The following NDRG2 variants were observed in gnomAD, a reference collection of about 807,000 sequenced individuals.
NDRG2 encodes the protein protein NDRG2.
NDRG2 carries 34 observed loss-of-function variants against 58.2 expected under a neutral mutation model. The ratio of observed to expected loss-of-function variants is 0.58; its 90% confidence interval spans 0.44 to 0.78. The LOEUF (loss-of-function observed/expected upper bound fraction) is 0.78. Ranked by LOEUF, NDRG2 falls within the 30% of genes least tolerant of loss-of-function variation. The pLI, the probability that NDRG2 is intolerant of heterozygous loss-of-function variation, is 0.00. For missense variants in NDRG2, 434 were observed against 471.2 expected (o/e 0.92, Z 0.73); for synonymous variants, 187 against 175.9 (o/e 1.06, Z -0.50).
At chr14:21,025,452 C>G (rs771923062), upstream of NDRG2, 2 of 985,522 alleles carry the variant, frequency 2.0e-6, no homozygotes, top group Non-Finnish European at 2.4e-6. The surrounding 1 kb of genome is among the most constrained non-coding windows in gnomAD (Gnocchi z 5.1). Flanking sequence ...TGGTGGGAAC[C>G]GGTAGTGGGG....
At chr14:21,018,284 T>C (rs1316602811) in intron 13 of NDRG2, 45 bp from the exon 14 acceptor site, 1 of 1,612,600 alleles carries the variant, frequency 6.2e-7, no homozygotes, top group Non-Finnish European at 8.5e-7. Context: ...CACACATAAA[T>C]GAGCCATGCA....
At chr14:21,050,498 G>A (rs1241113440) in intron 1 of NDRG2, among the ~76,000 whole-genome samples, 1 of 152,296 alleles carries the variant, frequency 6.6e-6, no homozygotes, top group East Asian at 1.9e-4. Flanking sequence ...GGCATATCCA[G>A]AACAGGATCT....
At chr14:21,056,692 T>C (rs1033274376) in intron 1 of NDRG2, among the ~76,000 whole-genome samples, 3 of 152,240 alleles carry the variant, frequency 2.0e-5, no homozygotes, top group Admixed American at 2.0e-4. Context: ...GGAAACTCTT[T>C]CCTCTTTCCT....
intron 1 of NDRG2, among the ~76,000 whole-genome samples, chr14:21,049,048 T>C (rs1885341334): frequency 6.6e-6 from 1 of 152,204 alleles, no homozygotes; most frequent in Non-Finnish European, 1.5e-5. Context: ...CCTCTGTGAA[T>C]TTATGAATCC....
chr14:21,049,856 CT>C (rs567160406), intron 1 of NDRG2, among the ~76,000 whole-genome samples: 19 of 151,302 alleles, frequency 1.3e-4, no homozygotes, highest in African/African-American at 4.4e-4. Flanking sequence ...CCTTGTTGAG[CT>C]TTTTGGCCTC....
chr14:21,040,529 T>C (rs1470758718), intron 1 of NDRG2, among the ~76,000 whole-genome samples: 2 of 152,216 alleles, frequency 1.3e-5, no homozygotes, highest in Non-Finnish European at 2.9e-5. Context: ...ACACGTTCTT[T>C]ATTCATCTAC....
Position 21,017,034 on chromosome 14 carries a change from G to A in NDRG2, c.*562C>T, listed in dbSNP as rs181211358. 1.3e-5 allele frequency: 6 copies of A among 455,046 alleles called. No individual in the cohort carries two copies. The highest frequency in any genetic ancestry group is 7.0e-5 in the East Asian group (1 of 14,344). The allele number at this position is 455,046 out of a possible 1,614,324, so 28.2% of individuals were successfully genotyped here. A position where few individuals can be genotyped will look rare whatever the true frequency, so the allele number is the denominator to read the frequency against. On this transcript the variant is annotated 3_prime_UTR_variant, in exon 16 of 16. Transcript: ENST00000556147. ...CCTTCCCCACACTCGTTCACTGCCC[G>A]CCAACTCCCATTCCAACTTCCTTTT...
intron 1 of NDRG2, chr14:21,032,695 A>G (rs1365806649): frequency 2.8e-6 from 1 of 354,812 alleles, no homozygotes; most frequent in Non-Finnish European, 5.5e-6. Context: ...CATGGGACAG[A>G]AGAGCTTACT....
intron 1 of NDRG2, chr14:21,043,157 G>GA: frequency 6.2e-7 from 1 of 1,614,160 alleles, no homozygotes; most frequent in Non-Finnish European, 8.5e-7. Context: ...ACTCAGCCAT[G>GA]AAAAACATTA....
At position 21,070,500 on chromosome 14, in the gene NDRG2, C is replaced by A; in HGVS notation, c.24+328G>T. The A allele has an allele frequency of 7.5e-7, 1 of 1,330,012 alleles. No homozygotes were observed. Among genetic ancestry groups the A allele is most frequent in the Non-Finnish European group, 9.7e-7 (1 of 1,025,672 alleles). 82.4% of individuals were successfully genotyped at this position (1,330,012 alleles called of 1,614,324 possible). A position where few individuals can be genotyped will look rare whatever the true frequency, so the allele number is the denominator to read the frequency against. On this transcript the variant is annotated intron_variant, in intron 1 of 14. Transcript: ENST00000403829. This position sits in a 1 kb window ranked among gnomAD's most constrained non-coding sequence, Gnocchi z 4.7. Reference sequence around the variant, plus strand: ...TGGTGCCTCCCGAGCCTGCCTCGGACTGTTCGGCCCCTCTGGGACTCTCCT... The same window carrying A: ...TGGTGCCTCCCGAGCCTGCCTCGGAATGTTCGGCCCCTCTGGGACTCTCCT...
At chr14:21,018,570 C>G in intron 12 of NDRG2, 66 bp from the exon 13 acceptor site, 5 of 1,585,006 alleles carry the variant, frequency 3.2e-6, no homozygotes, top group Non-Finnish European at 4.3e-6. Context: ...CGTAAGGGAC[C>G]CAGGAACCCA....
rs1886623748 is a variant in NDRG2 at position 21,070,420 on chromosome 14, C to T, written c.24+408G>A. 3 of 1,408,506 alleles carry T rather than the reference C, an allele frequency of 2.1e-6. No individual in the cohort carries two copies. The highest frequency in any genetic ancestry group is 2.8e-6 in the Non-Finnish European group (3 of 1,090,622). The allele number at this position is 1,408,506 out of a possible 1,614,324, so 87.3% of individuals were successfully genotyped here. A position where few individuals can be genotyped will look rare whatever the true frequency, so the allele number is the denominator to read the frequency against. ...CCATGGTGAGTCCAGCGTCGCAGCC[C>T]CCTGGGTCCCCTCGGCCTTCGCGCA... is the stretch of plus-strand genomic sequence containing the variant. On this transcript the variant is annotated intron_variant, in intron 1 of 14. Transcript: ENST00000403829. The surrounding 1 kb of genome is among the most constrained non-coding windows in gnomAD (Gnocchi z 4.7).
chr14:21,025,357 A>T, upstream of NDRG2: 1 of 984,808 alleles, frequency 1.0e-6, no homozygotes, highest in Non-Finnish European at 1.2e-6. The surrounding 1 kb of genome is among the most constrained non-coding windows in gnomAD (Gnocchi z 5.1). Context: ...CCTGAGAGGG[A>T]TCCCTCGGCT....
At chr14:21,028,516 A>G (rs1037362688), upstream of NDRG2, 9 of 152,188 alleles carry the variant, frequency 5.9e-5, no homozygotes, top group African/African-American at 2.2e-4. Flanking sequence ...GCCCTGCCCA[A>G]GAATAATGTT....
At chr14:21,026,152 GCACA>G (rs147701833), upstream of NDRG2, among the ~76,000 whole-genome samples, 3 of 149,710 alleles carry the variant, frequency 2.0e-5, no homozygotes, top group Non-Finnish European at 3.0e-5. Flanking sequence ...ACACGCACAC[GCACA>G]CACACACACA....
intron 11 of NDRG2, 114 bp downstream of exon 11, chr14:21,019,002 G>A: frequency 1.5e-6 from 2 of 1,294,770 alleles, no homozygotes; most frequent in Non-Finnish European, 1.1e-6. Flanking sequence ...AAATAGGATG[G>A]GGTGGGACAT....
chr14:21,031,837 G>T, intron 1 of NDRG2: 1 of 1,559,518 alleles, frequency 6.4e-7, no homozygotes, highest in Non-Finnish European at 8.7e-7. Context: ...CTTTGGGGAA[G>T]GGATATGACA....
chr14:21,039,718 G>A (rs1010498903), intron 1 of NDRG2, among the ~76,000 whole-genome samples: 1 of 152,170 alleles, frequency 6.6e-6, no homozygotes, highest in Non-Finnish European at 1.5e-5. Context: ...TGGTAGGTAC[G>A]ACTCAATTTC....
intron 1 of NDRG2, chr14:21,057,686 A>C: frequency 2.0e-6 from 1 of 499,682 alleles, no homozygotes; most frequent in Non-Finnish European, 3.6e-6. Context: ...TAAAGAAGGT[A>C]AGTGTTTATT....
Sources: allele counts gnomAD v4.1 joint callset (sites outside exome capture counted in the v4.1 genomes callset), GRCh38; gene constraint gnomAD v4.1.1; non-coding constraint Gnocchi (gnomAD v3.1); transcripts MANE v1.5; gene names NCBI Gene and HGNC (gene_info 2026-07-23, HGNC 2026-07-21).